GALNT17: variants seen among roughly 807,000 people sequenced by gnomAD.
GALNT17 encodes UDP-GalNAc:polypeptide N-acetylgalactosaminyltransferase-like 3.
In GALNT17, 29 loss-of-function variants were observed where a neutral mutation model predicts 63.7. The ratio of observed to expected loss-of-function variants is 0.46; its 90% CI spans 0.34 to 0.62. The LOEUF is 0.62. Ranked by LOEUF, GALNT17 falls within the 20% of genes least tolerant of loss-of-function variation. The pLI, the probability that GALNT17 is intolerant of heterozygous loss-of-function variation, is 0.01. For synonymous variants in GALNT17, 305 were observed against 318.3 expected, an observed-to-expected ratio of 0.96 and a Z score of 0.45; for missense variants, 603 against 799.6, an observed-to-expected ratio of 0.75 and a Z score of 2.97.
At chr7:71,472,004 C>T (rs1407522877) in intron 5 of GALNT17, among the ~76,000 whole-genome samples, 2 of 151,704 alleles carry the variant, frequency 1.3e-5, no homozygotes, top group East Asian at 3.9e-4. Context: ...TACCGGGTGG[C>T]TTATAAACAA....
At chr7:71,649,207 A>T (rs1389264567) in intron 6 of GALNT17, among the ~76,000 whole-genome samples, 1 of 152,194 alleles carries the variant, frequency 6.6e-6, no homozygotes, top group African/African-American at 2.4e-5. Flanking sequence ...GTCCTGGCCC[A>T]GATCTCATGT....
At chr7:71,252,334 G>A (rs1790213769) in intron 1 of GALNT17, among the ~76,000 whole-genome samples, 1 of 151,860 alleles carries the variant, frequency 6.6e-6, no homozygotes, top group Non-Finnish European at 1.5e-5. Flanking sequence ...AGACCAGCCT[G>A]GCCAACATGA....
At chr7:71,227,789 A>T (rs1157761229) in intron 1 of GALNT17, among the ~76,000 whole-genome samples, 2 of 152,028 alleles carry the variant, frequency 1.3e-5, no homozygotes, top group Non-Finnish European at 2.9e-5. Flanking sequence ...TTGCCAAAAA[A>T]CCCATTGCCT....
intron 1 of GALNT17, among the ~76,000 whole-genome samples, chr7:71,147,090 G>A (rs867307155): frequency 2.2e-4 from 34 of 152,290 alleles, no homozygotes; most frequent in African/African-American, 7.7e-4. Flanking sequence ...AGGGACCAAA[G>A]TTTATGCATG....
At chr7:71,202,941 A>G (rs893339674) in intron 1 of GALNT17, among the ~76,000 whole-genome samples, 1 of 152,224 alleles carries the variant, frequency 6.6e-6, no homozygotes, top group African/African-American at 2.4e-5. Context: ...TGCAAATGAC[A>G]GGATTTCCTT....
intron 1 of GALNT17, among the ~76,000 whole-genome samples, chr7:71,210,521 AAG>A (rs1422621319): frequency 6.6e-6 from 1 of 152,190 alleles, no homozygotes; most frequent in Non-Finnish European, 1.5e-5. Flanking sequence ...AGTTGTGGTG[AAG>A]AGAGTGGGTA....
intron 1 of GALNT17, among the ~76,000 whole-genome samples, chr7:71,254,768 C>G (rs979497466): frequency 6.6e-6 from 1 of 152,146 alleles, no homozygotes; most frequent in Non-Finnish European, 1.5e-5. Context: ...TAAAGGGTGA[C>G]ATGAAAGCCC....
chr7:71,394,011 T>C (rs575170926), intron 3 of GALNT17, among the ~76,000 whole-genome samples: 3 of 152,304 alleles, frequency 2.0e-5, no homozygotes, highest in South Asian at 4.1e-4. Context: ...TTTTTGCAGC[T>C]GTTCTTCTCT....
chr7:71,216,635 C>G (rs1161302065), intron 1 of GALNT17, among the ~76,000 whole-genome samples: 1 of 151,444 alleles, frequency 6.6e-6, no homozygotes, highest in African/African-American at 2.4e-5. Flanking sequence ...CACACATATA[C>G]ATATATATAC....
At chr7:71,482,037 A>C (rs1449622970) in intron 5 of GALNT17, among the ~76,000 whole-genome samples, 2 of 150,970 alleles carry the variant, frequency 1.3e-5, no homozygotes. Context: ...AAGTCATAAA[A>C]GTGATATATA....
At chr7:71,647,250 G>A (rs1269667005) in intron 6 of GALNT17, among the ~76,000 whole-genome samples, 3 of 110,340 alleles carry the variant, frequency 2.7e-5, no homozygotes, top group African/African-American at 2.1e-4. Context: ...TGTATTTTTA[G>A]TAGAGATGGG....
intron 5 of GALNT17, among the ~76,000 whole-genome samples, chr7:71,448,077 C>T (rs988350550): frequency 3.3e-5 from 5 of 152,188 alleles, no homozygotes; most frequent in Non-Finnish European, 7.3e-5. Flanking sequence ...TGTCTGGATT[C>T]TGCCTTCCAC....
At chr7:71,192,526 G>T (rs1321277773) in intron 1 of GALNT17, among the ~76,000 whole-genome samples, 3 of 151,728 alleles carry the variant, frequency 2.0e-5, no homozygotes, top group African/African-American at 7.3e-5. Flanking sequence ...CTCCCAAGTA[G>T]CCGGGATTAC....
At chr7:71,577,323 A>C (rs530018848) in intron 6 of GALNT17, among the ~76,000 whole-genome samples, 64 of 152,242 alleles carry the variant, frequency 4.2e-4, no homozygotes, top group African/African-American at 1.4e-3. Context: ...CACACACAAC[A>C]CCCATGTGAG....
intron 2 of GALNT17, among the ~76,000 whole-genome samples, chr7:71,370,703 A>G (rs1178107006): frequency 1.3e-5 from 2 of 152,074 alleles, no homozygotes; most frequent in African/African-American, 2.4e-5. Context: ...CCTGGTCTCA[A>G]TTGATCTGCC....
intron 1 of GALNT17, among the ~76,000 whole-genome samples, chr7:71,300,095 A>G (rs1213179799): frequency 6.6e-6 from 1 of 152,094 alleles, no homozygotes; most frequent in African/African-American, 2.4e-5. Context: ...GAATGTTTCA[A>G]CCTCATAATC....
intron 5 of GALNT17, among the ~76,000 whole-genome samples, chr7:71,559,897 C>CAA (rs749844466): frequency 1.0e-4 from 10 of 97,622 alleles, no homozygotes; most frequent in Non-Finnish European, 1.1e-4. Context: ...ACATTAAAAA[C>CAA]AAAAAAAAAA....
intron 6 of GALNT17, among the ~76,000 whole-genome samples, chr7:71,612,020 C>A (rs947795424): frequency 1.3e-5 from 2 of 152,206 alleles, no homozygotes; most frequent in African/African-American, 4.8e-5. Flanking sequence ...TTGGTTGAAG[C>A]AATCGGCATC....
intron 5 of GALNT17, among the ~76,000 whole-genome samples, chr7:71,536,997 G>A (rs891567748): frequency 7.2e-5 from 11 of 152,008 alleles, no homozygotes; most frequent in African/African-American, 2.4e-5. Flanking sequence ...TCAAACCTCC[G>A]TTCCTGCCTC....
Sources: gnomAD v4.1 joint callset for allele counts (sites outside exome capture counted in the v4.1 genomes callset) on GRCh38, gnomAD v4.1.1 for gene constraint, MANE v1.5 for transcripts, NCBI Gene and HGNC (gene_info 2026-07-23, HGNC 2026-07-21) for gene names.